DOCK4: variants seen among roughly 807,000 people sequenced by gnomAD.
DOCK4 encodes dedicator of cytokinesis 4.
DOCK4 carries 97 observed loss-of-function variants against 268.1 expected under a neutral mutation model. The observed-to-expected ratio is 0.36, with a 90% CI of 0.31 to 0.43. DOCK4 has a LOEUF of 0.43. DOCK4 is among the 20% of genes least tolerant of loss of function. The probability of loss-of-function intolerance (pLI) is 1.00; values close to 1 mark genes in which losing one functional copy is unlikely to be tolerated. For synonymous variants in DOCK4, 954 were observed against 887.2 expected (o/e 1.08, Z -1.34); for missense variants, 2,145 against 2,455.7 (o/e 0.87, Z 2.67).
At chr7:111,911,112 T>TG (rs1348774385) in intron 13 of DOCK4, among the ~76,000 whole-genome samples, 1 of 152,222 alleles carries the variant, frequency 6.6e-6, no homozygotes, top group Non-Finnish European at 1.5e-5. Flanking sequence ...TGGGTCCTGT[T>TG]GGTATAATCA....
At chr7:111,946,350 A>C (rs1795618827) in intron 8 of DOCK4, among the ~76,000 whole-genome samples, 1 of 152,140 alleles carries the variant, frequency 6.6e-6, no homozygotes, top group Non-Finnish European at 1.5e-5. Context: ...CCCCCACTAA[A>C]CTTGCATTTG....
At chr7:111,737,855 C>A (rs943496696) in intron 49 of DOCK4, among the ~76,000 whole-genome samples, 36 of 152,138 alleles carry the variant, frequency 2.4e-4, no homozygotes, top group Non-Finnish European at 4.9e-4. Context: ...CATCAAGTGA[C>A]AAAGGGAAAT....
At chr7:112,079,538 T>G (rs1808392622) in intron 1 of DOCK4, among the ~76,000 whole-genome samples, 1 of 152,132 alleles carries the variant, frequency 6.6e-6, no homozygotes, top group South Asian at 2.1e-4. Flanking sequence ...TTCAGGGCAC[T>G]GACAAGCCAC....
In DOCK4 at chr7:112,158,690, A is replaced by G. The variant is rs922436559; in HGVS notation, c.37+47412T>C. ...TACTGAAAATTTCAAAGAAACTATC[A>G]CTTTTAATATACTTAGCAAATTTCA... On this transcript the variant is annotated intron_variant, in intron 1 of 52. Transcript: ENST00000428084. Among the ~76,000 whole-genome samples the G allele has an allele frequency of 8.5e-5, 13 of 152,310 alleles. No individual in the cohort carries two copies. The East Asian group carries it at 1.7e-3, about 20-fold the overall frequency.
intron 49 of DOCK4, 68 bp from the exon 50 acceptor site, chr7:111,737,057 G>A: frequency 2.2e-6 from 3 of 1,357,252 alleles, no homozygotes; most frequent in South Asian, 2.5e-5. Context: ...CAGAAAATGA[G>A]ACGATTATCT....
chr7:111,793,543 T>G (rs1799694549), intron 30 of DOCK4, among the ~76,000 whole-genome samples: 1 of 152,250 alleles, frequency 6.6e-6, no homozygotes, highest in Non-Finnish European at 1.5e-5. Context: ...TATTGTATAT[T>G]GTATGTGTTT....
At chr7:112,119,341 C>T (rs1202709382) in intron 1 of DOCK4, among the ~76,000 whole-genome samples, 3 of 152,090 alleles carry the variant, frequency 2.0e-5, no homozygotes, top group Non-Finnish European at 4.4e-5. Context: ...CCAGTCCAGG[C>T]AGTAGGTGAA....
intron 10 of DOCK4, among the ~76,000 whole-genome samples, chr7:111,944,602 G>A (rs1478013161): frequency 3.3e-5 from 5 of 152,288 alleles, no homozygotes; most frequent in Admixed American, 3.3e-4. Context: ...TATTAAAAGA[G>A]ACCAGAATCT....
At chr7:111,959,711 T>C (rs573106277) in intron 8 of DOCK4, among the ~76,000 whole-genome samples, 226 of 152,354 alleles carry the variant, frequency 1.5e-3, no homozygotes, top group Non-Finnish European at 2.9e-3. Context: ...AATTCTTTCA[T>C]TTCCTTTTAA....
intron 1 of DOCK4, among the ~76,000 whole-genome samples, chr7:112,033,578 T>G (rs994653199): frequency 1.3e-5 from 2 of 152,234 alleles, no homozygotes; most frequent in African/African-American, 4.8e-5. Flanking sequence ...TGTATCACTG[T>G]TTTCCTGACC....
At chr7:112,059,905 G>C (rs1258940916) in intron 1 of DOCK4, among the ~76,000 whole-genome samples, 1 of 152,120 alleles carries the variant, frequency 6.6e-6, no homozygotes, top group African/African-American at 2.4e-5. Flanking sequence ...CAAGAAGAAA[G>C]ATGATACATT....
rs188259983 is a variant in DOCK4 at position 112,157,349 on chromosome 7, C to T, written c.37+48753G>A. ...GAGACGTCATTTTCCCCTTCCTGCC[C>T]TGGACATGGTACACTGCCGGCCAGA... On this transcript the variant is annotated intron_variant, in intron 1 of 52. Transcript: ENST00000428084. 5.8e-4 allele frequency among the ~76,000 whole-genome samples: 88 copies of T among 152,058 alleles called. 4 individuals carry two copies. The East Asian group carries it at 0.015, about 26-fold the overall frequency.
intron 1 of DOCK4, among the ~76,000 whole-genome samples, chr7:112,110,396 TC>T (rs763201174): frequency 6.6e-6 from 1 of 152,182 alleles, no homozygotes; most frequent in Non-Finnish European, 1.5e-5. Flanking sequence ...CTACTACGTG[TC>T]CATCCATCTT....
intron 27 of DOCK4, among the ~76,000 whole-genome samples, chr7:111,818,680 C>T (rs1259260962): frequency 6.6e-6 from 1 of 152,226 alleles, no homozygotes; most frequent in Non-Finnish European, 1.5e-5. Flanking sequence ...ATATCAATAT[C>T]TGGGTTCTGT....
At chr7:112,113,825 C>T (rs1811888916) in intron 1 of DOCK4, among the ~76,000 whole-genome samples, 2 of 132,388 alleles carry the variant, frequency 1.5e-5, no homozygotes, top group African/African-American at 2.8e-5. Context: ...AAACTTCTGG[C>T]CTTAGTGACC....
intron 8 of DOCK4, among the ~76,000 whole-genome samples, chr7:111,975,967 C>A (rs1798122779): frequency 6.7e-6 from 1 of 150,302 alleles, no homozygotes; most frequent in Non-Finnish European, 1.5e-5. Flanking sequence ...AGTTCGAGAC[C>A]AGCCTGGCCA....
intron 5 of DOCK4, among the ~76,000 whole-genome samples, chr7:111,990,719 A>T (rs967530970): frequency 2.0e-5 from 3 of 151,912 alleles, no homozygotes; most frequent in Non-Finnish European, 4.4e-5. Context: ...CTCACTCTTA[A>T]CTCATGTTAT....
intron 16 of DOCK4, among the ~76,000 whole-genome samples, chr7:111,893,717 T>G (rs1053907801): frequency 6.6e-6 from 1 of 152,226 alleles, no homozygotes; most frequent in African/African-American, 2.4e-5. Context: ...TTTTAACACC[T>G]TTAGCTTTGT....
chr7:111,781,803 T>TACAAA lies in DOCK4; in HGVS notation c.3585+1056_3585+1060dup, dbSNP rs1021978159. ...ACTGTGACAGGAGTAAACAAAGTAA[T>TACAAA]ACAAAACAAAACAAAACAAAAAGAA... On this transcript the variant is annotated intron_variant, in intron 35 of 52. Transcript: ENST00000428084. Among the ~76,000 whole-genome samples, 56 of 151,990 alleles carry TACAAA rather than the reference T, an allele frequency of 3.7e-4. No individual in the cohort carries two copies. The East Asian group carries it at 5.4e-3, about 15-fold the overall frequency.
Sources: gnomAD v4.1 joint callset for allele counts (sites outside exome capture counted in the v4.1 genomes callset) on GRCh38, gnomAD v4.1.1 for gene constraint, MANE v1.5 for transcripts, NCBI Gene and HGNC (gene_info 2026-07-23, HGNC 2026-07-21) for gene names.